The following DNMBP variants were observed in gnomAD, a reference collection of about 807,000 sequenced individuals.
DNMBP encodes the protein dynamin binding protein, also known as dynamin-binding protein.
In DNMBP, 87 loss-of-function variants were observed where a neutral mutation model predicts 150.0. The ratio of observed to expected loss-of-function variants is 0.58; its 90% CI spans 0.49 to 0.69. The LOEUF (loss-of-function observed/expected upper bound fraction) is 0.69. Ranked by LOEUF, DNMBP falls within the 30% of genes least tolerant of loss-of-function variation. The pLI is 0.00. For missense variants in DNMBP, 1,774 were observed against 1,949.0 expected, an observed-to-expected ratio of 0.91 and a Z score of 1.69; for synonymous variants, 711 against 750.4, an observed-to-expected ratio of 0.95 and a Z score of 0.86.
chr10:99,950,879 T>C (rs536050199), intron 4 of DNMBP, among the ~76,000 whole-genome samples: 82 of 152,340 alleles, frequency 5.4e-4, no homozygotes, highest in Admixed American at 1.2e-3. Flanking sequence ...AAAAACCAGC[T>C]GCAGAAATTT....
In DNMBP at chr10:99,885,282, G is replaced by A. The variant is rs1000622376; in HGVS notation, c.3798+405C>T. Among the ~76,000 whole-genome samples the A allele has an allele frequency of 5.9e-5, 9 of 152,204 alleles. No individual in the cohort carries two copies. In the South Asian group the frequency reaches 8.3e-4, roughly 14 times the overall value. On this transcript the variant is annotated intron_variant, in intron 14 of 16. Transcript: ENST00000324109. ...TCCCAGCACTTTGGGAGGCTGAGGC[G>A]GACAGATCACAAGGTCAAGAGATCG...
Position 99,877,292 on chromosome 10 carries a change from C to T in DNMBP, c.4593G>A (p.Glu1531=). 1 of 1,613,816 alleles carries T rather than the reference C, an allele frequency of 6.2e-7. No homozygotes were observed. The highest frequency in any genetic ancestry group is 8.5e-7 in the Non-Finnish European group (1 of 1,179,938). ...GTTTCTGATTGGCTGACACGCTCAG[C>T]TCATTTGGGTTTCGTGCCTTGAAGG... ...VYTFKARNPN[E]LSVSANQKLK... Residue 1531 remains glutamate (E), a synonymous_variant, in exon 17 of 17, where the codon GAG becomes GAA. Transcript: ENST00000324109.
intron 14 of DNMBP, among the ~76,000 whole-genome samples, chr10:99,885,459 C>T (rs762136442): frequency 6.6e-5 from 10 of 151,844 alleles, no homozygotes; most frequent in South Asian, 2.1e-4. Flanking sequence ...TGTAGTGAGC[C>T]AAGATCACAC....
At chr10:99,936,847 G>A (rs1564738490) in intron 4 of DNMBP, among the ~76,000 whole-genome samples, 2 of 152,070 alleles carry the variant, frequency 1.3e-5, no homozygotes, top group Admixed American at 6.5e-5. Context: ...TGGGACTACA[G>A]GCATTTGTCA....
chr10:99,934,456 G>A (rs1000836188), intron 4 of DNMBP, among the ~76,000 whole-genome samples: 1 of 144,328 alleles, frequency 6.9e-6, no homozygotes, highest in African/African-American at 2.6e-5. Flanking sequence ...GATAGTTGGA[G>A]AAGGGGAAAG....
At chr10:100,001,499 C>T (rs1410782716) in intron 1 of DNMBP, among the ~76,000 whole-genome samples, 17 of 148,102 alleles carry the variant, frequency 1.1e-4, no homozygotes, top group African/African-American at 4.3e-4. Context: ...GCAACCTCCA[C>T]CTCCCAGGTT....
At chr10:99,918,065 A>G (rs2039986122) in intron 4 of DNMBP, among the ~76,000 whole-genome samples, 1 of 151,984 alleles carries the variant, frequency 6.6e-6, no homozygotes. Flanking sequence ...CTAGCAACGC[A>G]TCTAGAAGCA....
chr10:99,946,843 C>T (rs75748565), intron 4 of DNMBP, among the ~76,000 whole-genome samples: 1 of 152,068 alleles, frequency 6.6e-6, no homozygotes, highest in East Asian at 1.9e-4. Flanking sequence ...CCAACAAAGG[C>T]CTAACATCTA....
chr10:99,955,062 A>AGG, intron 4 of DNMBP, 152 bp downstream of exon 4: 1 of 646,738 alleles, frequency 1.5e-6, no homozygotes, highest in Non-Finnish European at 2.5e-6. Context: ...AAAAAAAGGA[A>AGG]AAAAAAAAAA....
At chr10:99,891,399 C>A (rs868536730) in intron 11 of DNMBP, among the ~76,000 whole-genome samples, 1,670 of 151,592 alleles carry the variant, frequency 0.011, 31 homozygotes, top group African/African-American at 0.039. Flanking sequence ...GGTCTCCAGC[C>A]CCTAACCGCG....
intron 6 of DNMBP, 23 bp from the exon 7 acceptor site, chr10:99,900,089 C>G: frequency 6.2e-7 from 1 of 1,613,250 alleles, no homozygotes; most frequent in Non-Finnish European, 8.5e-7. Context: ...CACAAACATA[C>G]AGTGTTTTTA....
chr10:99,955,167 C>A (rs760064379), intron 4 of DNMBP, 47 bp downstream of exon 4: 2 of 1,539,578 alleles, frequency 1.3e-6, no homozygotes, highest in Admixed American at 3.5e-5. Flanking sequence ...GTTTCTGGGA[C>A]TTGTGAGTGT....
chr10:99,879,682 G>GGT (rs956164406), intron 16 of DNMBP, 129 bp downstream of exon 16: 93 of 1,455,610 alleles, frequency 6.4e-5, no homozygotes, highest in Non-Finnish European at 8.2e-5. Flanking sequence ...GTGCTTGAAA[G>GGT]GTGTGTCTGT....
chr10:99,887,689 G>A (rs747437824), intron 12 of DNMBP, among the ~76,000 whole-genome samples: 3 of 152,072 alleles, frequency 2.0e-5, no homozygotes, highest in Non-Finnish European at 4.4e-5. Flanking sequence ...CCCCAGGTGG[G>A]CATGTCTTTT....
chr10:99,924,990 G>A (rs900373884), intron 4 of DNMBP, among the ~76,000 whole-genome samples: 2 of 152,016 alleles, frequency 1.3e-5, no homozygotes, highest in African/African-American at 4.8e-5. Context: ...TATGCTCTGT[G>A]CCCCTGCTCC....
At chr10:99,925,714 C>T (rs970110013) in intron 4 of DNMBP, among the ~76,000 whole-genome samples, 6 of 152,160 alleles carry the variant, frequency 3.9e-5, no homozygotes, top group Non-Finnish European at 2.9e-5. Context: ...TGTGCCTGGC[C>T]TGACCCACAC....
At chr10:99,908,213 C>T (rs1813381634) in intron 5 of DNMBP, 119 bp from the exon 6 acceptor site, 2 of 701,700 alleles carry the variant, frequency 2.9e-6, no homozygotes, top group Non-Finnish European at 2.5e-6. Context: ...TTTCTTCACT[C>T]ACTTTCATGA....
At chr10:99,930,301 C>T in intron 4 of DNMBP, 1 of 702,974 alleles carries the variant, frequency 1.4e-6, no homozygotes, top group Non-Finnish European at 2.6e-6. Context: ...AACTGTTCAG[C>T]TTTTTTAGAG....
Position 99,898,229 on chromosome 10 carries a change from A to G in DNMBP, c.2777T>C (p.Val926Ala). Residue 926 changes from valine to alanine, a missense_variant, in exon 9 of 17, where the codon GTA becomes GCA. Val to Ala is a moderately conservative substitution (Grantham distance 64, BLOSUM62 0). This residue lies in a region of DNMBP where 1,430 missense variants were observed against 1,492.5 expected (regional missense o/e 0.96). Coordinates refer to ENST00000324109, the MANE Select transcript of DNMBP (RefSeq NM_015221.4). ...GSFLIKPVQRVMRYPLLLMEL... is the reference protein window; with the variant it reads ...GSFLIKPVQRAMRYPLLLMEL... Reference sequence around the variant, plus strand: ...CATTAGCAACAGCGGGTAACGCATTACTCTCTGTACTGGTTTGATGAGGAA... The same window carrying G: ...CATTAGCAACAGCGGGTAACGCATTGCTCTCTGTACTGGTTTGATGAGGAA... 1 of 1,613,836 alleles carries G rather than the reference A, an allele frequency of 6.2e-7. No individual in the cohort carries two copies. Among genetic ancestry groups the G allele is most frequent in the Non-Finnish European group, 8.5e-7 (1 of 1,179,972 alleles).
Sources: gnomAD v4.1 joint callset for allele counts (sites outside exome capture counted in the v4.1 genomes callset) on GRCh38, gnomAD v4.1.1 for gene constraint, gnomAD v4.1.1 regional missense constraint, MANE v1.5 for transcripts, NCBI Gene and HGNC (gene_info 2026-07-23, HGNC 2026-07-21) for gene names.